Variants in CACNG2 observed in about 807,000 individuals in gnomAD.
CACNG2 encodes calcium voltage-gated channel auxiliary subunit gamma 2, also known as voltage-dependent calcium channel gamma-2 subunit.
CACNG2 carries 3 observed loss-of-function variants against 25.9 expected under a neutral mutation model. The observed-to-expected ratio is 0.12, with a 90% CI of 0.05 to 0.30. CACNG2 has a LOEUF of 0.30. Among genes scored for constraint, CACNG2 ranks in the 10% least tolerant of loss-of-function variants. The pLI is 1.00. For synonymous variants in CACNG2, 167 were observed against 173.3 expected, an observed-to-expected ratio of 0.96 and a Z score of 0.29; for missense variants, 341 against 432.5, an observed-to-expected ratio of 0.79 and a Z score of 1.88.
At chr22:36,609,440 GC>G (rs1935894895) in intron 1 of CACNG2, among the ~76,000 whole-genome samples, 1 of 134,700 alleles carries the variant, frequency 7.4e-6, no homozygotes, top group Non-Finnish European at 1.6e-5. Context: ...GCGTGATCCG[GC>G]AGGAATCAAC....
At chr22:36,583,780 C>T (rs915454634) in intron 2 of CACNG2, among the ~76,000 whole-genome samples, 1 of 152,146 alleles carries the variant, frequency 6.6e-6, no homozygotes, top group East Asian at 1.9e-4. Flanking sequence ...ACCACAGCAG[C>T]CAGGCTGATG....
intron 1 of CACNG2, among the ~76,000 whole-genome samples, chr22:36,634,906 G>A (rs1936330660): frequency 6.6e-6 from 1 of 152,194 alleles, no homozygotes; most frequent in Non-Finnish European, 1.5e-5. Context: ...GAGGAAGAAG[G>A]TCCCTTTGGT....
intron 2 of CACNG2, among the ~76,000 whole-genome samples, chr22:36,576,573 C>CGTGT (rs1025395207): frequency 2.8e-5 from 4 of 142,250 alleles, no homozygotes; most frequent in Non-Finnish European, 4.6e-5. Flanking sequence ...TCTGTGTGTG[C>CGTGT]GTGTGTGTGT....
chr22:36,645,453 C>T (rs1268635241), intron 1 of CACNG2, among the ~76,000 whole-genome samples: 1 of 149,458 alleles, frequency 6.7e-6, no homozygotes, highest in Non-Finnish European at 1.5e-5. Context: ...AGGAGAATGG[C>T]ATGAACCCCA....
intron 1 of CACNG2, among the ~76,000 whole-genome samples, chr22:36,694,823 T>C (rs1249384334): frequency 1.3e-5 from 2 of 152,198 alleles, no homozygotes; most frequent in African/African-American, 2.4e-5. Flanking sequence ...TGAAAGTTAT[T>C]TGAGTCTATT....
chr22:36,625,635 A>T (rs1246097470), intron 1 of CACNG2, among the ~76,000 whole-genome samples: 2 of 152,188 alleles, frequency 1.3e-5, no homozygotes, highest in Non-Finnish European at 2.9e-5. Flanking sequence ...GGGTTTTTAA[A>T]AGGAAACTGT....
intron 1 of CACNG2, among the ~76,000 whole-genome samples, chr22:36,620,521 T>C (rs1327677399): frequency 1.3e-5 from 2 of 152,246 alleles, no homozygotes; most frequent in Non-Finnish European, 1.5e-5. Context: ...TCACTTGTTT[T>C]GGGATATGGT....
At chr22:36,643,827 C>G (rs1253882068) in intron 1 of CACNG2, among the ~76,000 whole-genome samples, 1 of 152,164 alleles carries the variant, frequency 6.6e-6, no homozygotes, top group Non-Finnish European at 1.5e-5. Context: ...CTTATTTAAG[C>G]CTTAGGACAA....
intron 1 of CACNG2, among the ~76,000 whole-genome samples, chr22:36,618,493 T>G (rs1280570152): frequency 1.3e-5 from 2 of 152,236 alleles, no homozygotes; most frequent in African/African-American, 4.8e-5. Flanking sequence ...TCTCTAGTCC[T>G]GACAAGTCAG....
chr22:36,593,409 T>C (rs1051367203), intron 1 of CACNG2, among the ~76,000 whole-genome samples: 4 of 152,082 alleles, frequency 2.6e-5, no homozygotes, highest in African/African-American at 9.7e-5. Context: ...GGCTGGGATG[T>C]GTTTCACAGA....
At chr22:36,567,158 T>C (rs1278756944) in intron 2 of CACNG2, among the ~76,000 whole-genome samples, 1 of 152,240 alleles carries the variant, frequency 6.6e-6, no homozygotes, top group African/African-American at 2.4e-5. Flanking sequence ...AAAGCAGGGA[T>C]GGTAATAATG....
At chr22:36,678,093 G>A (rs768475713) in intron 1 of CACNG2, among the ~76,000 whole-genome samples, 1 of 152,288 alleles carries the variant, frequency 6.6e-6, no homozygotes, top group East Asian at 1.9e-4. Context: ...ATTGAATCTG[G>A]TGGTATGCTG....
intron 2 of CACNG2, among the ~76,000 whole-genome samples, chr22:36,570,194 C>A (rs575205728): frequency 6.6e-6 from 1 of 152,164 alleles, no homozygotes; most frequent in South Asian, 2.1e-4. Context: ...GCGTCGGCTG[C>A]GGAGGGAGCT....
chr22:36,587,572 CACATGAA>C (rs753452847), intron 1 of CACNG2, 24 bp from the exon 2 acceptor site: 1 of 1,552,192 alleles, frequency 6.4e-7, no homozygotes, highest in East Asian at 2.2e-5. Flanking sequence ...GGAGAAGGAG[CACATGAA>C]ACATCATAGT....
At chr22:36,628,980 G>T (rs1390325080) in intron 1 of CACNG2, among the ~76,000 whole-genome samples, 1 of 136,894 alleles carries the variant, frequency 7.3e-6, no homozygotes, top group East Asian at 2.1e-4. Flanking sequence ...GGGAGAGCTT[G>T]GCATAAATAA....
chr22:36,644,116 C>A (rs1427672783), intron 1 of CACNG2, among the ~76,000 whole-genome samples: 2 of 152,164 alleles, frequency 1.3e-5, no homozygotes, highest in Non-Finnish European at 2.9e-5. Context: ...AAGACACACC[C>A]ATATGCAACG....
intron 1 of CACNG2, among the ~76,000 whole-genome samples, chr22:36,646,838 CATA>C (rs1936532404): frequency 1.3e-5 from 2 of 151,336 alleles, no homozygotes; most frequent in Non-Finnish European, 2.9e-5. Context: ...AGATTTCTCA[CATA>C]ATAATAAATG....
chr22:36,684,539 C>T (rs1601455348), intron 1 of CACNG2, among the ~76,000 whole-genome samples: 1 of 148,984 alleles, frequency 6.7e-6, no homozygotes, highest in Non-Finnish European at 1.5e-5. Flanking sequence ...TCACTTGAGC[C>T]CAGTAGGTCA....
intron 1 of CACNG2, among the ~76,000 whole-genome samples, chr22:36,594,092 A>G (rs1935636606): frequency 6.6e-6 from 1 of 152,142 alleles, no homozygotes; most frequent in Non-Finnish European, 1.5e-5. Flanking sequence ...TGATGGCTTC[A>G]GGCACAGATG....
Sources: gnomAD v4.1 joint callset for allele counts (sites outside exome capture counted in the v4.1 genomes callset) on GRCh38, gnomAD v4.1.1 for gene constraint, MANE v1.5 for transcripts, NCBI Gene and HGNC (gene_info 2026-07-23, HGNC 2026-07-21) for gene names.